GRB2: variants seen among roughly 807,000 people sequenced by gnomAD.
The protein encoded by GRB2 is growth factor receptor bound protein 2.
GRB2 carries 2 observed loss-of-function variants against 27.4 expected under a neutral mutation model. The ratio of observed to expected loss-of-function variants is 0.07; its 90% CI spans 0.03 to 0.23. The LOEUF (loss-of-function observed/expected upper bound fraction) is 0.23, where lower values mean the gene tolerates loss of function less well. Among genes scored for constraint, GRB2 ranks in the 10% least tolerant of loss-of-function variants. GRB2 has a pLI of 1.00. For missense variants in GRB2, 102 were observed against 282.4 expected (o/e 0.36, Z 4.58); for synonymous variants, 94 against 99.6 (o/e 0.94, Z 0.33).
chr17:75,368,017 C>T (rs1440850829), intron 2 of GRB2, among the ~76,000 whole-genome samples: 2 of 151,624 alleles, frequency 1.3e-5, no homozygotes, highest in African/African-American at 4.8e-5. Context: ...CAGGTTCAAA[C>T]GATTCTCATG....
intron 1 of GRB2, chr17:75,394,822 A>G (rs1242570187): frequency 6.6e-6 from 1 of 152,248 alleles, no homozygotes; most frequent in Non-Finnish European, 1.5e-5. Flanking sequence ...CAGGTAAAAG[A>G]TTCTGTGAGA....
chr17:75,358,476 G>C (rs1025799407), intron 2 of GRB2, among the ~76,000 whole-genome samples: 2 of 151,918 alleles, frequency 1.3e-5, no homozygotes, highest in African/African-American at 4.8e-5. Context: ...TTACCTTTGA[G>C]TGTTTGCTGA....
At chr17:75,396,928 C>A (rs1459188176) in intron 1 of GRB2, among the ~76,000 whole-genome samples, 1 of 152,198 alleles carries the variant, frequency 6.6e-6, no homozygotes, top group Non-Finnish European at 1.5e-5. Context: ...CCATAAGCTT[C>A]TGTGTCATTC....
intron 3 of GRB2, among the ~76,000 whole-genome samples, chr17:75,330,333 G>C (rs957597746): frequency 6.6e-6 from 1 of 151,938 alleles, no homozygotes; most frequent in African/African-American, 2.4e-5. Flanking sequence ...AGTGAGCCGA[G>C]ATCGCGCCAC....
At chr17:75,329,024 G>T (rs1345225742) in intron 3 of GRB2, among the ~76,000 whole-genome samples, 1 of 152,008 alleles carries the variant, frequency 6.6e-6, no homozygotes, top group Non-Finnish European at 1.5e-5. Flanking sequence ...CCCAATCAAC[G>T]GTATTTAAAC....
chr17:75,333,399 T>C (rs1402894478), intron 2 of GRB2, among the ~76,000 whole-genome samples: 1 of 152,114 alleles, frequency 6.6e-6, no homozygotes, highest in African/African-American at 2.4e-5. Flanking sequence ...GGTTTGGTTT[T>C]TCTAAGAGAG....
At chr17:75,337,383 TAA>T (rs913043681) in intron 2 of GRB2, among the ~76,000 whole-genome samples, 11 of 140,192 alleles carry the variant, frequency 7.8e-5, no homozygotes, top group Admixed American at 1.4e-4. Context: ...AGTGTCGGGT[TAA>T]AAAAAAAAAA....
chr17:75,387,963 C>A (rs1343877280), intron 2 of GRB2, among the ~76,000 whole-genome samples: 2 of 152,104 alleles, frequency 1.3e-5, no homozygotes, highest in African/African-American at 4.8e-5. Flanking sequence ...CAAAAAGAAT[C>A]TTTTATAGGA....
chr17:75,326,097 AAC>A, intron 3 of GRB2, 77 bp from the exon 4 acceptor site: 2 of 1,534,596 alleles, frequency 1.3e-6, no homozygotes, highest in African/African-American at 1.4e-5. Flanking sequence ...AAATGTGAGT[AAC>A]ACAACACTCC....
At chr17:75,352,110 G>C (rs1002831171) in intron 2 of GRB2, among the ~76,000 whole-genome samples, 4 of 152,148 alleles carry the variant, frequency 2.6e-5, no homozygotes, top group African/African-American at 4.8e-5. Flanking sequence ...CTAGACCAGA[G>C]GCTTCTCTAG....
rs187264820 is a variant in GRB2 at position 75,328,734 on chromosome 17, C to T, written c.177-2714G>A. Among the ~76,000 whole-genome samples, 3 of 152,148 alleles carry T rather than the reference C, an allele frequency of 2.0e-5. No homozygotes were observed. The South Asian group carries it at 6.2e-4, about 32-fold the overall frequency. ...CGGGCGGGTCACAAAGTCAGGAGAT[C>T]GAGACCAACCTGGCTAACACGGTGA... On this transcript the variant is annotated intron_variant, in intron 3 of 5. Coordinates refer to ENST00000316804, the MANE Select transcript of GRB2 (RefSeq NM_002086.5).
intron 2 of GRB2, among the ~76,000 whole-genome samples, chr17:75,352,465 A>C (rs774226581): frequency 6.6e-6 from 1 of 152,036 alleles, no homozygotes; most frequent in South Asian, 2.1e-4. Flanking sequence ...TCCTGATTTC[A>C]TGTTGTGCTT....
In GRB2 at chr17:75,404,293, T is replaced by C. The variant is rs61764594; in HGVS notation, c.-138+1196A>G. ...TTTCTTAGGGATGAATTCAATCTTT[T>C]GAGCCTCCCCGTTCTCAGAGAGGGG... On this transcript the variant is annotated intron_variant, in intron 1 of 5. Coordinates refer to ENST00000316804, the MANE Select transcript of GRB2 (RefSeq NM_002086.5). Among the ~76,000 whole-genome samples the C allele has an allele frequency of 7.9e-3, 1,204 of 152,266 alleles. 20 individuals are homozygous for C. Among genetic ancestry groups the C allele is most frequent in the African/African-American group, 0.028 (1,145 of 41,524 alleles).
chr17:75,335,204 TA>T (rs2078569021), intron 2 of GRB2, among the ~76,000 whole-genome samples: 1 of 152,118 alleles, frequency 6.6e-6, no homozygotes, highest in African/African-American at 2.4e-5. Context: ...AAAGCCACCC[TA>T]TGAATTCTAG....
chr17:75,355,028 G>A (rs558892845), intron 2 of GRB2, among the ~76,000 whole-genome samples: 1 of 152,100 alleles, frequency 6.6e-6, no homozygotes, highest in South Asian at 2.1e-4. Context: ...GGTTGGTCTC[G>A]AACTCCTGAC....
rs1432885147 is a variant in GRB2, at chr17:75,319,330, AAACAC to A, written c.*1033_*1037del. The A allele has an allele frequency of 6.6e-6, 1 of 151,934 alleles. No individual in the cohort carries two copies. The highest frequency in any genetic ancestry group is 1.5e-5 in the Non-Finnish European group (1 of 67,930). 9.4% of individuals were successfully genotyped at this position (151,934 alleles called of 1,614,324 possible). ...ACAAAACAAATTAAAAAAAAAAAAAAAACACCACTCAGAAGCAACCCTTGAAATAA... is the reference window on the plus strand; with the variant it reads ...ACAAAACAAATTAAAAAAAAAAAAAACACTCAGAAGCAACCCTTGAAATAA... On this transcript the variant is annotated 3_prime_UTR_variant, in exon 6 of 6. Transcript: ENST00000316804.
At chr17:75,360,600 T>C (rs993740088) in intron 2 of GRB2, among the ~76,000 whole-genome samples, 6 of 152,216 alleles carry the variant, frequency 3.9e-5, no homozygotes, top group South Asian at 2.1e-4. Context: ...CTTGTGTCTG[T>C]ACAGTAAGGA....
At chr17:75,334,873 A>G (rs1238943201) in intron 2 of GRB2, among the ~76,000 whole-genome samples, 1 of 115,646 alleles carries the variant, frequency 8.6e-6, no homozygotes. Flanking sequence ...TTTTTTTTTG[A>G]GTCAGGGTCT....
At chr17:75,354,263 TTG>T (rs1491450148) in intron 2 of GRB2, among the ~76,000 whole-genome samples, 34 of 15,726 alleles carry the variant, frequency 2.2e-3, no homozygotes, top group African/African-American at 3.1e-3. Flanking sequence ...GTCTTTTTTT[TTG>T]GGGGGGGGGG....
Sources: allele counts gnomAD v4.1 joint callset (sites outside exome capture counted in the v4.1 genomes callset), GRCh38; gene constraint gnomAD v4.1.1; transcripts MANE v1.5; gene names NCBI Gene and HGNC (gene_info 2026-07-23, HGNC 2026-07-21).